The following XRRA1 variants were observed in gnomAD, a reference collection of about 807,000 sequenced individuals.
XRRA1 encodes the protein X-ray radiation resistance associated 1.
Under a neutral mutation model 80.2 loss-of-function variants are expected in XRRA1, and 69 were observed. The ratio of observed to expected loss-of-function variants is 0.86; its 90% confidence interval spans 0.71 to 1.05. The LOEUF is 1.05. Among genes scored for constraint, XRRA1 ranks in the 50% least tolerant of loss-of-function variants. The pLI is 0.00. For missense variants in XRRA1, 967 were observed against 976.4 expected (o/e 0.99, Z 0.13); for synonymous variants, 348 against 389.9 (o/e 0.89, Z 1.27).
At chr11:74,879,499 G>A (rs1418794614) in intron 10 of XRRA1, among the ~76,000 whole-genome samples, 8 of 151,492 alleles carry the variant, frequency 5.3e-5, no homozygotes, top group East Asian at 1.9e-4. Context: ...TTCCAACACT[G>A]TGTTGAATAG....
At chr11:74,931,466 A>C (rs1943537542) in intron 5 of XRRA1, among the ~76,000 whole-genome samples, 1 of 152,010 alleles carries the variant, frequency 6.6e-6, no homozygotes, top group Non-Finnish European at 1.5e-5. Context: ...GTGGGATTAC[A>C]GGTGTCTGCC....
chr11:74,921,200 G>C lies in XRRA1; in HGVS notation c.656+14C>G. The C allele has an allele frequency of 6.2e-7, 1 of 1,612,704 alleles. No homozygotes were observed. The highest frequency in any genetic ancestry group is 8.5e-7 in the Non-Finnish European group (1 of 1,178,962). ...CACAAAAACACAGAATGGACTCCAG[G>C]AGGTAGAACTTACTGTTCTGCGACG... is the stretch of plus-strand genomic sequence containing the variant. On this transcript the variant is annotated intron_variant, in intron 8 of 18. Coordinates refer to ENST00000684022, the MANE Select transcript of XRRA1 (RefSeq NM_001378157.1).
intron 11 of XRRA1, among the ~76,000 whole-genome samples, chr11:74,859,807 C>G (rs1207957493): frequency 6.6e-6 from 1 of 152,086 alleles, no homozygotes; most frequent in African/African-American, 2.4e-5. Flanking sequence ...GATGAAACAA[C>G]AGTCCTAAAT....
intron 12 of XRRA1, among the ~76,000 whole-genome samples, chr11:74,853,667 G>A (rs2135643672): frequency 6.6e-6 from 1 of 152,324 alleles, no homozygotes; most frequent in African/African-American, 2.4e-5. Flanking sequence ...GTAAAAGCAA[G>A]AAATACACTT....
intron 10 of XRRA1, 35 bp downstream of exon 10, chr11:74,906,204 A>G: frequency 2.5e-6 from 4 of 1,586,632 alleles, no homozygotes; most frequent in Non-Finnish European, 8.6e-7. Context: ...TTCCACCATG[A>G]GGGTAGAATT....
intron 11 of XRRA1, among the ~76,000 whole-genome samples, chr11:74,861,061 G>A (rs2042194926): frequency 6.6e-6 from 1 of 152,232 alleles, no homozygotes. Flanking sequence ...TCTGGACTCT[G>A]AGGTGTGGGT....
At chr11:74,887,776 T>A (rs1422329010) in intron 10 of XRRA1, among the ~76,000 whole-genome samples, 2 of 152,046 alleles carry the variant, frequency 1.3e-5, no homozygotes, top group East Asian at 3.9e-4. Flanking sequence ...AGAGATTATA[T>A]CCCGCACCTG....
chr11:74,948,916 T>G lies in XRRA1; in HGVS notation c.-73+12A>C. ...GAAAGACTCGAATTCGAAAACTAAG[T>G]TTCAGTCGCACCTGCCTCCGGCGTC... On this transcript the variant is annotated intron_variant, in intron 1 of 18. Transcript: ENST00000684022. 5.4e-6 allele frequency: 1 copy of G among 184,676 alleles called. No homozygotes were observed. The highest frequency in any genetic ancestry group is 1.1e-5 in the Non-Finnish European group (1 of 87,278). 11.4% of individuals were successfully genotyped at this position (184,676 alleles called of 1,614,324 possible).
rs571561932 is a variant in XRRA1 at position 74,870,033 on chromosome 11, A to G, written c.1004-7012T>C. Among the ~76,000 whole-genome samples, 19 of 152,332 alleles carry G rather than the reference A, an allele frequency of 1.2e-4. 1 individual carries two copies. In the South Asian group the frequency reaches 3.9e-3, roughly 32 times the overall value. On this transcript the variant is annotated intron_variant, in intron 10 of 18. Transcript: ENST00000684022. ...AGGTAGATTCATCAGAAGGGTGAGT[A>G]TAGGAGCAGACCCCAAATCTTTACT...
rs748795829 is a variant in XRRA1 at position 74,936,933 on chromosome 11, C to T, written c.230G>A (p.Arg77Gln). 16 of 1,613,804 alleles carry T rather than the reference C, an allele frequency of 9.9e-6. No homozygotes were observed. The South Asian group carries it at 1.4e-4, about 14-fold the overall frequency. ...FEFKGKKESRRENQVDLPGHI... is the reference protein window; with the variant it reads ...FEFKGKKESRQENQVDLPGHI... The stretch of plus-strand genomic sequence containing the variant: ...TCCAGGAAGGTCCACCTGATTTTCC[C>T]GCCGAGACTCTTTCTTCCCCTTGAA... Residue 77 changes from arginine (R) to glutamine (Q), a missense_variant, in exon 4 of 19, where the codon CGG becomes CAG. Physicochemically the swap from Arg to Gln is conservative, Grantham distance 43. Transcript: ENST00000684022.
intron 10 of XRRA1, among the ~76,000 whole-genome samples, chr11:74,887,870 G>C (rs2049460908): frequency 6.6e-6 from 1 of 152,120 alleles, no homozygotes; most frequent in Non-Finnish European, 1.5e-5. Context: ...CAGTGAGTCT[G>C]GGGGAGGGGC....
intron 10 of XRRA1, among the ~76,000 whole-genome samples, chr11:74,877,634 C>T (rs1231941105): frequency 7.6e-6 from 1 of 131,068 alleles, no homozygotes; most frequent in Non-Finnish European, 1.6e-5. Context: ...CACAACAGTC[C>T]CCAGAGTGTG....
chr11:74,877,872 T>C lies in XRRA1; in HGVS notation c.1004-14851A>G, dbSNP rs942228048. On this transcript the variant is annotated intron_variant, in intron 10 of 18. Coordinates refer to ENST00000684022, the MANE Select transcript of XRRA1 (RefSeq NM_001378157.1). The stretch of plus-strand genomic sequence containing the variant: ...TAATCCAGTCTATCATTGTTGGACA[T>C]TTGGGTTGGTTCCAAGTCTTTGCTA... Among the ~76,000 whole-genome samples the C allele has an allele frequency of 5.9e-5, 9 of 152,104 alleles. No homozygotes were observed. In the East Asian group the frequency reaches 1.3e-3, roughly 23 times the overall value.
intron 10 of XRRA1, among the ~76,000 whole-genome samples, chr11:74,879,602 T>C (rs1453522446): frequency 6.6e-6 from 1 of 152,130 alleles, no homozygotes; most frequent in Non-Finnish European, 1.5e-5. Flanking sequence ...GCTGTGGGTT[T>C]GTCATAGATA....
chr11:74,944,021 C>T (rs1946977157), intron 2 of XRRA1, among the ~76,000 whole-genome samples: 1 of 152,112 alleles, frequency 6.6e-6, no homozygotes, highest in Non-Finnish European at 1.5e-5. Context: ...AGGGTTTCGC[C>T]ATATTGCCCA....
At chr11:74,869,705 T>G (rs1163176970) in intron 10 of XRRA1, among the ~76,000 whole-genome samples, 2 of 152,118 alleles carry the variant, frequency 1.3e-5, no homozygotes, top group Non-Finnish European at 2.9e-5. Flanking sequence ...CTAATGAGTT[T>G]TTCATACCCT....
intron 10 of XRRA1, among the ~76,000 whole-genome samples, chr11:74,902,370 A>G (rs2137938125): frequency 6.6e-6 from 1 of 152,338 alleles, no homozygotes; most frequent in East Asian, 1.9e-4. Flanking sequence ...TTCCTCACAA[A>G]ACTAAAAATA....
At chr11:74,924,355 C>T (rs11604372) in intron 7 of XRRA1, among the ~76,000 whole-genome samples, 123,686 of 150,526 alleles carry the variant, frequency 0.82, 51,077 homozygotes, top group African/African-American at 0.89. Context: ...GCACCTGTAG[C>T]CCCAGCTACA....
At chr11:74,860,096 T>C (rs558565013) in intron 11 of XRRA1, among the ~76,000 whole-genome samples, 6 of 152,338 alleles carry the variant, frequency 3.9e-5, no homozygotes, top group Middle Eastern at 3.4e-3. Flanking sequence ...CTATGGAATC[T>C]TGAGCAAGTC....
Sources: gnomAD v4.1 joint callset for allele counts (sites outside exome capture counted in the v4.1 genomes callset) on GRCh38, gnomAD v4.1.1 for gene constraint, MANE v1.5 for transcripts, NCBI Gene and HGNC (gene_info 2026-07-23, HGNC 2026-07-21) for gene names.